The following ARL6IP5 variants were observed in gnomAD, a reference collection of about 807,000 sequenced individuals.
The protein encoded by ARL6IP5 is ARF like GTPase 6 interacting protein 5, also known as PRA1 family protein 3.
A neutral mutation model predicts 13.0 loss-of-function variants in ARL6IP5; 6 were observed. That is an observed-to-expected ratio of 0.46 (90% CI 0.25 to 0.91). The LOEUF (loss-of-function observed/expected upper bound fraction) is 0.91, where lower values mean the gene tolerates loss of function less well. Among genes scored for constraint, ARL6IP5 ranks in the 40% least tolerant of loss-of-function variants. ARL6IP5 has a pLI of 0.17. For synonymous variants in ARL6IP5, 91 were observed against 91.9 expected (o/e 0.99, Z 0.06); for missense variants, 208 against 248.8 (o/e 0.84, Z 1.10).
At chr3:69,100,762 CAG>C (rs1279106607) in intron 1 of ARL6IP5, among the ~76,000 whole-genome samples, 1 of 146,716 alleles carries the variant, frequency 6.8e-6, no homozygotes, top group African/African-American at 2.5e-5. Flanking sequence ...GCCTGGGTGA[CAG>C]AGCAAGACTC....
chr3:69,101,364 C>A (rs1233613463), intron 1 of ARL6IP5, among the ~76,000 whole-genome samples: 2 of 145,560 alleles, frequency 1.4e-5, no homozygotes, highest in African/African-American at 2.6e-5. Flanking sequence ...ACTCTGTCAC[C>A]CAGCCAGGAG....
At chr3:69,096,384 G>A (rs918923574) in intron 1 of ARL6IP5, among the ~76,000 whole-genome samples, 1 of 151,942 alleles carries the variant, frequency 6.6e-6, no homozygotes, top group South Asian at 2.1e-4. Context: ...CTTGTCTAGA[G>A]GAAAATAAAA....
chr3:69,085,835 G>T (rs920694496), intron 1 of ARL6IP5, among the ~76,000 whole-genome samples: 3 of 152,196 alleles, frequency 2.0e-5, no homozygotes, highest in Non-Finnish European at 4.4e-5. Flanking sequence ...TTTTCTTCCA[G>T]CAGTGGCCAG....
At chr3:69,101,229 C>A (rs1030430876) in intron 1 of ARL6IP5, among the ~76,000 whole-genome samples, 15 of 150,822 alleles carry the variant, frequency 9.9e-5, no homozygotes, top group African/African-American at 3.7e-4. Context: ...AAACATAGTA[C>A]CTTCAAAAGA....
chr3:69,104,353 A>C lies in ARL6IP5; in HGVS notation c.395-111A>C, dbSNP rs963273957. 3.7e-6 allele frequency: 4 copies of C among 1,083,176 alleles called. No individual in the cohort carries two copies. In the African/African-American group the frequency reaches 6.3e-5, roughly 17 times the overall value. The allele number at this position is 1,083,176 out of a possible 1,614,324, so 67.1% of individuals were successfully genotyped here. A position where few individuals can be genotyped will look rare whatever the true frequency, so the allele number is the denominator to read the frequency against. On this transcript the variant is annotated intron_variant, in intron 2 of 2. Transcript: ENST00000273258. Reference sequence around the variant, plus strand: ...TGCATCAATTCGAGAAGCAGACTGGACTGTGGCTAACTAAGGCAGTTTACT... The same window carrying C: ...TGCATCAATTCGAGAAGCAGACTGGCCTGTGGCTAACTAAGGCAGTTTACT...
intron 2 of ARL6IP5, chr3:69,102,308 A>C: frequency 3.9e-6 from 2 of 512,924 alleles, no homozygotes; most frequent in Non-Finnish European, 7.0e-6. Flanking sequence ...TGTGTCATAC[A>C]TTCTTTTGTT....
At chr3:69,102,959 G>A (rs1031402797) in intron 2 of ARL6IP5, among the ~76,000 whole-genome samples, 5 of 152,178 alleles carry the variant, frequency 3.3e-5, no homozygotes, top group African/African-American at 1.2e-4. Context: ...AGCCTAATCA[G>A]CAGAAATCTG....
At chr3:69,097,787 T>C (rs1364402150) in intron 1 of ARL6IP5, among the ~76,000 whole-genome samples, 1 of 152,008 alleles carries the variant, frequency 6.6e-6, no homozygotes, top group Non-Finnish European at 1.5e-5. Flanking sequence ...TGCTGGGTAT[T>C]GGGGAAGGTT....
In ARL6IP5 at chr3:69,085,328, G is replaced by C. The variant is rs1280609964; in HGVS notation, c.176+105G>C. On this transcript the variant is annotated intron_variant, in intron 1 of 2. Coordinates refer to ENST00000273258, the MANE Select transcript of ARL6IP5 (RefSeq NM_006407.4). Reference sequence around the variant, plus strand: ...GAGACGCTCTCTGACCACGCTCAGCGCCTGCCCTGGCAATTCTGCAAGCGG... The same window carrying C: ...GAGACGCTCTCTGACCACGCTCAGCCCCTGCCCTGGCAATTCTGCAAGCGG... 6 of 1,377,204 alleles carry C rather than the reference G, an allele frequency of 4.4e-6. No individual in the cohort carries two copies. In the Admixed American group the frequency reaches 1.5e-4, roughly 34 times the overall value. The allele number at this position is 1,377,204 out of a possible 1,614,324, so 85.3% of individuals were successfully genotyped here. A position where few individuals can be genotyped will look rare whatever the true frequency, so the allele number is the denominator to read the frequency against.
chr3:69,090,968 G>A (rs2092263591), intron 1 of ARL6IP5, among the ~76,000 whole-genome samples: 2 of 152,250 alleles, frequency 1.3e-5, no homozygotes, highest in South Asian at 2.1e-4. Flanking sequence ...AGGCCGAGGC[G>A]GGTAGATCAC....
At chr3:69,095,570 C>T (rs530775871) in intron 1 of ARL6IP5, among the ~76,000 whole-genome samples, 1 of 151,490 alleles carries the variant, frequency 6.6e-6, no homozygotes, top group East Asian at 2.0e-4. Flanking sequence ...TCTCAGCTCA[C>T]TTCAACCTCC....
intron 1 of ARL6IP5, among the ~76,000 whole-genome samples, chr3:69,095,429 A>G (rs1403572655): frequency 6.6e-6 from 1 of 151,654 alleles, no homozygotes; most frequent in Non-Finnish European, 1.5e-5. Context: ...ATTTCACAAT[A>G]GAAAAACATA....
intron 1 of ARL6IP5, among the ~76,000 whole-genome samples, chr3:69,086,233 G>A (rs2092247084): frequency 6.6e-6 from 1 of 152,196 alleles, no homozygotes; most frequent in South Asian, 2.1e-4. Context: ...TGAACAGGGT[G>A]GCTTCTTCAG....
chr3:69,097,404 G>T (rs1213713380), intron 1 of ARL6IP5, among the ~76,000 whole-genome samples: 1 of 151,536 alleles, frequency 6.6e-6, no homozygotes, highest in East Asian at 1.9e-4. Context: ...AAACTCCTGG[G>T]CTCAAGCGAT....
intron 1 of ARL6IP5, among the ~76,000 whole-genome samples, chr3:69,086,341 T>C (rs905366535): frequency 1.3e-5 from 2 of 152,204 alleles, no homozygotes; most frequent in Non-Finnish European, 2.9e-5. Context: ...ACTTGAATTC[T>C]GGCCCAGGGG....
rs200953260 is a variant in ARL6IP5, at chr3:69,102,023, G to A, written c.361G>A (p.Val121Ile). 1 of 1,614,102 alleles carries A rather than the reference G, an allele frequency of 6.2e-7. No homozygotes were observed. The change falls in exon 2 of 3, where the codon GTC (valine) becomes ATC (isoleucine). Residue 121 changes from valine (V) to isoleucine (I), a missense_variant. Physicochemically the swap from Val to Ile is conservative, Grantham distance 29. Coordinates refer to ENST00000273258, the MANE Select transcript of ARL6IP5 (RefSeq NM_006407.4). ...FLISMFGGVM[V>I]FVFGITFPLL... Reference sequence around the variant, plus strand: ...TATCTCCATGTTTGGAGGAGTCATGGTCTTTGTGTTTGGCATTACTTTTCC... The same window carrying A: ...TATCTCCATGTTTGGAGGAGTCATGATCTTTGTGTTTGGCATTACTTTTCC...
intron 1 of ARL6IP5, among the ~76,000 whole-genome samples, chr3:69,086,151 G>A (rs932059321): frequency 1.3e-5 from 2 of 152,198 alleles, no homozygotes; most frequent in African/African-American, 4.8e-5. Context: ...CAGGGCAGAC[G>A]TAGAGGGAAG....
intron 1 of ARL6IP5, among the ~76,000 whole-genome samples, chr3:69,093,760 CA>C (rs750066390): frequency 1.4e-3 from 99 of 71,956 alleles, no homozygotes; most frequent in African/African-American, 3.3e-3. Context: ...GATTCTGTCT[CA>C]AAAAAAAAAA....
chr3:69,087,291 G>A (rs1361212733), intron 1 of ARL6IP5, among the ~76,000 whole-genome samples: 4 of 152,126 alleles, frequency 2.6e-5, no homozygotes, highest in East Asian at 3.9e-4. Context: ...GATTGCAGGC[G>A]GGGGCTACTG....
Sources: allele counts gnomAD v4.1 joint callset (sites outside exome capture counted in the v4.1 genomes callset), GRCh38; gene constraint gnomAD v4.1.1; transcripts MANE v1.5; gene names NCBI Gene and HGNC (gene_info 2026-07-23, HGNC 2026-07-21).